The following PREX1 variants were observed in gnomAD, a reference collection of about 807,000 sequenced individuals.
PREX1 encodes phosphatidylinositol 3,4,5-trisphosphate-dependent Rac exchanger 1 protein.
A neutral mutation model predicts 198.3 loss-of-function variants in PREX1; 41 were observed. The observed-to-expected ratio is 0.21, with a 90% confidence interval of 0.16 to 0.27. The LOEUF (loss-of-function observed/expected upper bound fraction) is 0.27. PREX1 is among the 10% of genes least tolerant of loss of function. The probability of loss-of-function intolerance (pLI) is 1.00; values close to 1 mark genes in which losing one functional copy is unlikely to be tolerated. For synonymous variants in PREX1, 843 were observed against 887.2 expected (o/e 0.95, Z 0.89); for missense variants, 1,620 against 2,200.7 (o/e 0.74, Z 5.28).
At chr20:48,677,146 C>A (rs1240780884) in intron 13 of PREX1, among the ~76,000 whole-genome samples, 1 of 152,196 alleles carries the variant, frequency 6.6e-6, no homozygotes, top group African/African-American at 2.4e-5. Flanking sequence ...GCTCCACGTG[C>A]AGTTGGTGGG....
At chr20:48,805,778 G>A (rs1254435003) in intron 1 of PREX1, among the ~76,000 whole-genome samples, 1 of 152,196 alleles carries the variant, frequency 6.6e-6, no homozygotes, top group African/African-American at 2.4e-5. Flanking sequence ...ACAGGGCTCA[G>A]CCTCAGGGAT....
In PREX1 at chr20:48,750,683, T is replaced by G. The variant is rs111505473; in HGVS notation, c.220-2803A>C. Among the ~76,000 whole-genome samples the G allele has an allele frequency of 4.3e-3, 650 of 152,280 alleles. 8 individuals are homozygous for G. Among genetic ancestry groups the G allele is most frequent in the African/African-American group, 0.014 (578 of 41,550 alleles). ...TGTCACCTCCGCCAAGAGGCCCTCC[T>G]CTTCTTAATGCAAACTCCTATCTTC... On this transcript the variant is annotated intron_variant, in intron 1 of 39. Coordinates refer to ENST00000371941, the MANE Select transcript of PREX1 (RefSeq NM_020820.4).
chr20:48,768,283 A>G (rs943993695), intron 1 of PREX1, among the ~76,000 whole-genome samples: 2 of 152,222 alleles, frequency 1.3e-5, no homozygotes, highest in South Asian at 4.1e-4. Context: ...ATGTCCATCA[A>G]CAGGAGAACG....
chr20:48,634,996 C>G (rs2089350998), intron 32 of PREX1, among the ~76,000 whole-genome samples: 1 of 152,202 alleles, frequency 6.6e-6, no homozygotes, highest in African/African-American at 2.4e-5. Context: ...CCTTAATTCA[C>G]TGAGTGATCC....
chr20:48,797,913 T>G (rs1421456430), intron 1 of PREX1, among the ~76,000 whole-genome samples: 1 of 152,224 alleles, frequency 6.6e-6, no homozygotes, highest in African/African-American at 2.4e-5. Context: ...CCTGGATCTG[T>G]GACTTTCCCT....
At chr20:48,668,513 G>A (rs181530914) in intron 14 of PREX1, among the ~76,000 whole-genome samples, 69 of 152,298 alleles carry the variant, frequency 4.5e-4, no homozygotes, top group African/African-American at 1.6e-3. Context: ...TCACTGAAAC[G>A]CCTCCCAGAA....
At chr20:48,686,714 C>G (rs1177930129) in intron 10 of PREX1, among the ~76,000 whole-genome samples, 2 of 152,248 alleles carry the variant, frequency 1.3e-5, no homozygotes, top group African/African-American at 4.8e-5. Flanking sequence ...CATGGAAGCT[C>G]AGAGCTGGAG....
At chr20:48,816,700 C>T (rs757835709) in intron 1 of PREX1, among the ~76,000 whole-genome samples, 30 of 152,064 alleles carry the variant, frequency 2.0e-4, no homozygotes, top group Non-Finnish European at 3.4e-4. Flanking sequence ...AAAATGGGGA[C>T]CCCGGCTCCA....
Position 48,625,872 on chromosome 20 carries a change from G to T in PREX1, c.*13C>A. ...CTCCAGAGGCCGCGGCCCAGCGTGG[G>T]GCATTTGGGTGTTCAGAGGTCCCCA... is the stretch of plus-strand genomic sequence containing the variant. On this transcript the variant is annotated 3_prime_UTR_variant, in exon 40 of 40. Transcript: ENST00000371941. 1 of 1,561,466 alleles carries T rather than the reference G, an allele frequency of 6.4e-7. No homozygotes were observed. The highest frequency in any genetic ancestry group is 1.9e-5 in the Admixed American group (1 of 53,058).
Position 48,691,057 on chromosome 20 carries a change from C to T in PREX1, c.1076G>A (p.Trp359Ter). 6.2e-7 allele frequency: 1 copy of T among 1,614,216 alleles called. No homozygotes were observed. The highest frequency in any genetic ancestry group is 8.5e-7 in the Non-Finnish European group (1 of 1,180,054). Residue 359 changes from tryptophan (W) to a stop codon, truncating the protein, a stop_gained, in exon 9 of 40, where the codon TGG becomes TAG. Coordinates refer to ENST00000371941, the MANE Select transcript of PREX1 (RefSeq NM_020820.4). LOFTEE classifies it high-confidence loss of function. This position sits in a 1 kb window ranked among gnomAD's most constrained non-coding sequence, Gnocchi z 5.0. ...HSNGYTVTNG[W>*]KIHNTAKNKW... ...ATTCTTGGCCGTGTTGTGGATCTTCCAGCCGTTGGTGACGGTATAGCCGTT... is the reference window on the plus strand; with the variant it reads ...ATTCTTGGCCGTGTTGTGGATCTTCTAGCCGTTGGTGACGGTATAGCCGTT...
rs145026241 is a variant in PREX1 at position 48,745,093 on chromosome 20, C to A, written c.346G>T (p.Ala116Ser). The A allele has an allele frequency of 7.9e-5, 128 of 1,614,120 alleles. 1 individual carries two copies. In the African/African-American group the frequency reaches 1.6e-3, roughly 20 times the overall value. Residue 116 changes from alanine (A) to serine (S), a missense_variant, in exon 3 of 40, where the codon GCC (alanine) becomes TCC (serine). Transcript: ENST00000371941. ...TCCGGGTGTAAACAATACTCCAAGGCGGCCAAGAAATCCTTATGAACTTCC... is the reference window on the plus strand; with the variant it reads ...TCCGGGTGTAAACAATACTCCAAGGAGGCCAAGAAATCCTTATGAACTTCC... ...ILEVHKDFLAALEYCLHPEPQ... is the reference protein window; with the variant it reads ...ILEVHKDFLASLEYCLHPEPQ...
chr20:48,816,490 G>A (rs2090459840), intron 1 of PREX1, among the ~76,000 whole-genome samples: 1 of 152,154 alleles, frequency 6.6e-6, no homozygotes, highest in South Asian at 2.1e-4. Context: ...ACCTAATCAG[G>A]TAAAGCCTTA....
At chr20:48,825,608 A>G (rs2090505271) in intron 1 of PREX1, among the ~76,000 whole-genome samples, 1 of 152,070 alleles carries the variant, frequency 6.6e-6, no homozygotes, top group Admixed American at 6.5e-5. Flanking sequence ...TAACTCAAAC[A>G]CAATCTAGAT....
rs369685213 is a variant in PREX1, at chr20:48,741,399, AC to A, written c.414+3625del. 2.0e-3 allele frequency among the ~76,000 whole-genome samples: 307 copies of A among 151,890 alleles called. 5 individuals carry two copies. The highest frequency in any genetic ancestry group is 7.2e-3 in the African/African-American group (296 of 41,384). On this transcript the variant is annotated intron_variant, in intron 3 of 39. Coordinates refer to ENST00000371941, the MANE Select transcript of PREX1 (RefSeq NM_020820.4). Reference sequence around the variant, plus strand: ...TTTTCAGACAATGTCTCACCCTGTCACCCAGGCTGGAGTGCAGCGGCATGAT... The same window carrying A: ...TTTTCAGACAATGTCTCACCCTGTCACCAGGCTGGAGTGCAGCGGCATGAT...
At chr20:48,630,976 G>C (rs1240925826) in intron 35 of PREX1, among the ~76,000 whole-genome samples, 182 bp from the exon 36 acceptor site, 1 of 152,066 alleles carries the variant, frequency 6.6e-6, no homozygotes, top group Non-Finnish European at 1.5e-5. Context: ...ACAGCCGGGG[G>C]GGAAAGAGGG....
chr20:48,695,712 G>A (rs951515492), intron 7 of PREX1, among the ~76,000 whole-genome samples: 9 of 152,176 alleles, frequency 5.9e-5, no homozygotes, highest in African/African-American at 2.2e-4. Flanking sequence ...GCCTTCTTTT[G>A]TGAAATGACT....
intron 10 of PREX1, among the ~76,000 whole-genome samples, chr20:48,682,444 C>T (rs1406552809): frequency 1.3e-5 from 2 of 152,236 alleles, no homozygotes; most frequent in Non-Finnish European, 2.9e-5. Flanking sequence ...TCTCCCCCAA[C>T]CAGAATGTAA....
intron 16 of PREX1, 70 bp from the exon 17 acceptor site, chr20:48,658,298 C>T (rs1248021980): frequency 2.7e-6 from 4 of 1,488,358 alleles, no homozygotes; most frequent in Non-Finnish European, 3.7e-6. Flanking sequence ...CACCGTGGCC[C>T]CCACAGGACC....
chr20:48,661,219 G>A (rs1033293060), intron 15 of PREX1, among the ~76,000 whole-genome samples: 11 of 151,552 alleles, frequency 7.3e-5, no homozygotes, highest in African/African-American at 2.7e-4. Flanking sequence ...GGGAGTCCCA[G>A]ACCAGCCTGA....
Sources: gnomAD v4.1 joint callset for allele counts (sites outside exome capture counted in the v4.1 genomes callset) on GRCh38, gnomAD v4.1.1 for gene constraint, Gnocchi (gnomAD v3.1) non-coding constraint, MANE v1.5 for transcripts, NCBI Gene and HGNC (gene_info 2026-07-23, HGNC 2026-07-21) for gene names.